ANO10: variants seen among roughly 807,000 people sequenced by gnomAD.
ANO10 encodes the protein anoctamin 10, also known as anoctamin-10.
ANO10 carries 77 observed loss-of-function variants against 74.7 expected under a neutral mutation model. That is an observed-to-expected ratio of 1.03 (90% CI 0.86 to 1.25). The LOEUF is 1.25. Among genes scored for constraint, ANO10 ranks in the 50% most tolerant of loss-of-function variants. The pLI, the probability that ANO10 is intolerant of heterozygous loss-of-function variation, is 0.00. For synonymous variants in ANO10, 279 were observed against 284.9 expected (o/e 0.98, Z 0.21); for missense variants, 721 against 778.1 (o/e 0.93, Z 0.87).
At chr3:43,622,354 G>A (rs2083438158), upstream of ANO10, among the ~76,000 whole-genome samples, 2 of 152,228 alleles carry the variant, frequency 1.3e-5, no homozygotes, top group Admixed American at 1.3e-4. Flanking sequence ...CAGAGGCCTG[G>A]TTGGGCTGTC....
At position 43,574,853 on chromosome 3, in the gene ANO10, A is replaced by G. The variant is rs1172659067; in HGVS notation, c.1174T>C (p.Leu392=). 3.1e-6 allele frequency: 5 copies of G among 1,613,900 alleles called. No individual in the cohort carries two copies. The African/African-American group carries it at 6.7e-5, about 22-fold the overall frequency. ...AGATGGTTCTGATAGGCAGATTCCAATCTGTGATTCTCTAAAACATTAAAA... is the reference window on the plus strand; with the variant it reads ...AGATGGTTCTGATAGGCAGATTCCAGTCTGTGATTCTCTAAAACATTAAAA... The part of the protein sequence containing the change: ...EFLTSWENHR[L]ESAYQNHLIL... The change falls in exon 7 of 13, where the codon TTG becomes CTG. Residue 392 remains leucine (L), a synonymous_variant. Transcript: ENST00000292246.
chr3:43,633,044 G>C (rs1170490036), intron 1 of ANO10, among the ~76,000 whole-genome samples: 1 of 152,106 alleles, frequency 6.6e-6, no homozygotes, highest in Non-Finnish European at 1.5e-5. Context: ...GAAATAAAAT[G>C]AAGAGAAAAA....
At chr3:43,549,905 A>C in intron 10 of ANO10, 57 bp from the exon 11 acceptor site, 2 of 1,581,710 alleles carry the variant, frequency 1.3e-6, no homozygotes, top group Non-Finnish European at 1.7e-6. Flanking sequence ...ATATTTCCTC[A>C]TCCTTTTTCA....
intron 4 of ANO10, among the ~76,000 whole-genome samples, chr3:43,581,803 G>A (rs998316755): frequency 1.3e-5 from 2 of 151,166 alleles, no homozygotes; most frequent in Non-Finnish European, 2.9e-5. Context: ...TAGCTAGCCT[G>A]TAGTCCTAGC....
intron 1 of ANO10, among the ~76,000 whole-genome samples, chr3:43,647,818 T>C (rs996670949): frequency 6.6e-6 from 1 of 152,202 alleles, no homozygotes; most frequent in Non-Finnish European, 1.5e-5. Flanking sequence ...TAAACCTTTC[T>C]GGGTTTCAGT....
At chr3:43,682,018 A>G (rs2084208564) in intron 1 of ANO10, among the ~76,000 whole-genome samples, 1 of 152,214 alleles carries the variant, frequency 6.6e-6, no homozygotes, top group South Asian at 2.1e-4. Flanking sequence ...CAATTAAAAG[A>G]AATAGAGAAG....
At chr3:43,649,188 A>G (rs1446889734) in intron 1 of ANO10, among the ~76,000 whole-genome samples, 1 of 152,198 alleles carries the variant, frequency 6.6e-6, no homozygotes, top group Non-Finnish European at 1.5e-5. Context: ...GTCAGGAACC[A>G]TGTAGGTTCA....
In ANO10 at chr3:43,384,698, C is replaced by T. The variant is rs188614179; in HGVS notation, c.1915-17724G>A. On this transcript the variant is annotated intron_variant, in intron 12 of 12. Coordinates refer to ENST00000292246, the MANE Select transcript of ANO10 (RefSeq NM_018075.5). ...GACACCTTATTCAACAAATGGTGGT[C>T]GGATAATTGGTTAGCCACATGTAGA... 1.5e-3 allele frequency among the ~76,000 whole-genome samples: 232 copies of T among 152,178 alleles called. 1 individual carries two copies. The highest frequency in any genetic ancestry group is 3.8e-3 in the African/African-American group (159 of 41,520).
intron 10 of ANO10, among the ~76,000 whole-genome samples, chr3:43,551,227 C>G (rs1018670662): frequency 1.3e-5 from 2 of 152,124 alleles, no homozygotes; most frequent in African/African-American, 4.8e-5. Context: ...AGTGAAATGG[C>G]TGAGTCAAAG....
chr3:43,526,749 C>A (rs1394857079), intron 11 of ANO10, among the ~76,000 whole-genome samples: 2 of 151,840 alleles, frequency 1.3e-5, no homozygotes, highest in Non-Finnish European at 2.9e-5. Context: ...ACAAGCAATT[C>A]CTTAAAATAT....
At chr3:43,456,119 C>T (rs1051244170) in intron 11 of ANO10, among the ~76,000 whole-genome samples, 1 of 152,142 alleles carries the variant, frequency 6.6e-6, no homozygotes, top group Non-Finnish European at 1.5e-5. Context: ...ACCCTGGGAA[C>T]CTGGGCTCAG....
chr3:43,619,394 A>C (rs2083274775), intron 1 of ANO10, among the ~76,000 whole-genome samples: 1 of 152,206 alleles, frequency 6.6e-6, no homozygotes, highest in African/African-American at 2.4e-5. Flanking sequence ...ACACTAATAG[A>C]ATTGTATCAA....
At position 43,640,296 on chromosome 3, in the gene ANO10, C is replaced by T. The variant is rs138436346; in HGVS notation, c.-11-34433G>A. On this transcript the variant is annotated intron_variant, in intron 1 of 3. Transcript: ENST00000413397. ...TTGAAGCTGCACCACTCAACCAAGT[C>T]CATTCTGTTGTTTCTAAACCAACAA... Among the ~76,000 whole-genome samples the T allele has an allele frequency of 3.5e-3, 527 of 152,318 alleles. 4 individuals carry two copies. The highest frequency in any genetic ancestry group is 0.01 in the Middle Eastern group (3 of 294).
At position 43,374,849 on chromosome 3, in the gene ANO10, G is replaced by A. The variant is rs192049800; in HGVS notation, c.1915-7875C>T. The stretch of plus-strand genomic sequence containing the variant: ...AAAACTTTAAGAACTGGCCGGGCGC[G>A]GTGGCTCACACCTGTAATCCCAGCA... On this transcript the variant is annotated intron_variant, in intron 12 of 12. Coordinates refer to ENST00000292246, the MANE Select transcript of ANO10 (RefSeq NM_018075.5). Among the ~76,000 whole-genome samples the A allele has an allele frequency of 1.4e-3, 212 of 152,242 alleles. 1 individual carries two copies. The highest frequency in any genetic ancestry group is 4.8e-3 in the African/African-American group (201 of 41,552).
chr3:43,557,160 A>G (rs957917269), intron 9 of ANO10, among the ~76,000 whole-genome samples: 1 of 152,150 alleles, frequency 6.6e-6, no homozygotes, highest in Non-Finnish European at 1.5e-5. Context: ...GAAGGAAAAA[A>G]AAAAACACTG....
intron 1 of ANO10, among the ~76,000 whole-genome samples, chr3:43,650,097 C>A (rs9876963): frequency 0.022 from 3,301 of 152,336 alleles, 131 homozygotes; most frequent in African/African-American, 0.075. Context: ...GTATCCCAAG[C>A]TCTTGTCCAG....
At chr3:43,609,954 T>C (rs557654779) in intron 1 of ANO10, among the ~76,000 whole-genome samples, 1 of 152,310 alleles carries the variant, frequency 6.6e-6, no homozygotes, top group African/African-American at 2.4e-5. Flanking sequence ...TATACTACTG[T>C]AGACTTTATA....
chr3:43,545,661 C>T (rs1240962666), intron 11 of ANO10, among the ~76,000 whole-genome samples: 2 of 152,092 alleles, frequency 1.3e-5, no homozygotes, highest in Non-Finnish European at 2.9e-5. Context: ...CCACCGTGCC[C>T]GACCCCACTG....
intron 12 of ANO10, among the ~76,000 whole-genome samples, chr3:43,393,086 T>C (rs979013841): frequency 2.6e-5 from 4 of 152,248 alleles, no homozygotes; most frequent in Non-Finnish European, 5.9e-5. Context: ...TGCACACCCA[T>C]GGCCTCAGCC....
Sources: gnomAD v4.1 joint callset for allele counts (sites outside exome capture counted in the v4.1 genomes callset) on GRCh38, gnomAD v4.1.1 for gene constraint, MANE v1.5 for transcripts, NCBI Gene and HGNC (gene_info 2026-07-23, HGNC 2026-07-21) for gene names.